COL5A3: variants seen among roughly 807,000 people sequenced by gnomAD.
COL5A3 encodes the protein collagen type V alpha 3 chain.
A neutral mutation model predicts 250.0 loss-of-function variants in COL5A3; 172 were observed. The ratio of observed to expected loss-of-function variants is 0.69; its 90% CI spans 0.61 to 0.78. The LOEUF (loss-of-function observed/expected upper bound fraction) is 0.78, where lower values mean the gene tolerates loss of function less well. COL5A3 is among the 30% of genes least tolerant of loss of function. The pLI is 0.00. For missense variants in COL5A3, 2,340 were observed against 2,334.4 expected (o/e 1.00, Z -0.05); for synonymous variants, 937 against 900.4 (o/e 1.04, Z -0.73).
intron 40 of COL5A3, 66 bp from the exon 41 acceptor site, chr19:9,978,693 G>T (rs374534147): frequency 1.7e-6 from 2 of 1,191,046 alleles, no homozygotes; most frequent in African/African-American, 1.6e-5. Flanking sequence ...GTCTTCCTCT[G>T]TGGGGAGCTC....
chr19:9,980,354 C>A (rs2086990724), intron 35 of COL5A3, among the ~76,000 whole-genome samples: 1 of 152,140 alleles, frequency 6.6e-6, no homozygotes, highest in Non-Finnish European at 1.5e-5. Context: ...ACTTCACAGG[C>A]TGTGCTCCTT....
chr19:9,969,559 G>C lies in COL5A3; in HGVS notation c.4098+16C>G. ...GCTGGATCCACCCTGTCCCACCCCT[G>C]CCCCGCTCCACTCACCACAGGGCCA... On this transcript the variant is annotated intron_variant, in intron 56 of 66. Transcript: ENST00000264828. 3 of 1,609,384 alleles carry C rather than the reference G, an allele frequency of 1.9e-6. No homozygotes were observed. Among genetic ancestry groups the C allele is most frequent in the Non-Finnish European group, 2.5e-6 (3 of 1,177,774 alleles).
chr19:10,008,970 G>A (rs1170703595), intron 1 of COL5A3, among the ~76,000 whole-genome samples: 4 of 152,066 alleles, frequency 2.6e-5, no homozygotes, highest in East Asian at 1.9e-4. Context: ...ACCATTTGGC[G>A]GGTGGCTGAA....
chr19:9,978,500 G>T, intron 41 of COL5A3, 74 bp downstream of exon 41: 1 of 1,007,392 alleles, frequency 9.9e-7, no homozygotes, highest in Non-Finnish European at 1.6e-6. Context: ...GTTTTATCAT[G>T]ACAATGTCAA....
chr19:10,010,438 G>C lies in COL5A3; in HGVS notation c.-53C>G, dbSNP rs2087514082. On this transcript the variant is annotated 5_prime_UTR_variant, in exon 1 of 67. Coordinates refer to ENST00000264828, the MANE Select transcript of COL5A3 (RefSeq NM_015719.4). ...GAACCAGTCGGGGCGGCTGCGGGGC[G>C]CGGCGACTTCTCGGGCTCGGTGCAG... 6 of 1,227,168 alleles carry C rather than the reference G, an allele frequency of 4.9e-6. No homozygotes were observed. Among genetic ancestry groups the C allele is most frequent in the Non-Finnish European group, 6.3e-6 (6 of 945,804 alleles). 76.0% of individuals were successfully genotyped at this position (1,227,168 alleles called of 1,614,324 possible).
Position 10,009,509 on chromosome 19 carries a change from C to A in COL5A3, c.88+789G>T, listed in dbSNP as rs1001301698. ...GGGGTGGGGAGGGGGGGAGCAACTTCCACTCCTGCCCCGCCCTGCGCCCCG... is the reference window on the plus strand; with the variant it reads ...GGGGTGGGGAGGGGGGGAGCAACTTACACTCCTGCCCCGCCCTGCGCCCCG... On this transcript the variant is annotated intron_variant, in intron 1 of 66. Transcript: ENST00000264828. The surrounding 1 kb of genome is among the most constrained non-coding windows in gnomAD (Gnocchi z 4.4). Among the ~76,000 whole-genome samples, 1 of 151,972 alleles carries A rather than the reference C, an allele frequency of 6.6e-6. No homozygotes were observed. The highest frequency in any genetic ancestry group is 2.4e-5 in the African/African-American group (1 of 41,362).
At position 9,988,390 on chromosome 19, in the gene COL5A3, A is replaced by G. The variant is rs1036132799; in HGVS notation, c.2145+734T>C. On this transcript the variant is annotated intron_variant, in intron 27 of 66. Coordinates refer to ENST00000264828, the MANE Select transcript of COL5A3 (RefSeq NM_015719.4). ...GTCTAATGCACACATGTTCAGGTAA[A>G]TTACATCTGTATTTGGCTACAATGT... Among the ~76,000 whole-genome samples the G allele has an allele frequency of 2.0e-5, 3 of 152,300 alleles. No homozygotes were observed. The South Asian group carries it at 6.2e-4, about 32-fold the overall frequency.
chr19:9,992,740 G>A (rs993335441), intron 21 of COL5A3, 87 bp downstream of exon 21: 11 of 1,355,538 alleles, frequency 8.1e-6, no homozygotes, highest in African/African-American at 2.9e-5. Context: ...TCTCGCCACC[G>A]CACTCCAGCC....
At chr19:9,991,477 GGCTGGCTTAGGGAAT>G in intron 24 of COL5A3, 118 bp downstream of exon 24, 1 of 699,500 alleles carries the variant, frequency 1.4e-6, no homozygotes, top group Non-Finnish European at 2.3e-6. Flanking sequence ...TGTATCTCCG[GGCTGGCTTAGGGAAT>G]GTTGCAGTCT....
chr19:9,967,700 C>T, intron 61 of COL5A3: 1 of 556,848 alleles, frequency 1.8e-6, no homozygotes, highest in Non-Finnish European at 3.0e-6. Flanking sequence ...TCTTTCCTAG[C>T]AGTTTGTAAA....
chr19:9,969,390 G>A lies in COL5A3; in HGVS notation c.4111C>T (p.Leu1371Phe). ...GIPGPVGEPG[L>F]LGAPGQMGPP... Reference sequence around the variant, plus strand: ...CCCATCTGTCCAGGGGCTCCCAGGAGGCCTGGTTCACCCTGAGAATGGAAC... The same window carrying A: ...CCCATCTGTCCAGGGGCTCCCAGGAAGCCTGGTTCACCCTGAGAATGGAAC... The change falls in exon 57 of 67, where the codon CTC becomes TTC. Residue 1371 changes from leucine to phenylalanine, a missense_variant. Coordinates refer to ENST00000264828, the MANE Select transcript of COL5A3 (RefSeq NM_015719.4). 1.2e-6 allele frequency: 2 copies of A among 1,607,356 alleles called. No homozygotes were observed. The highest frequency in any genetic ancestry group is 1.7e-6 in the Non-Finnish European group (2 of 1,177,492).
chr19:9,977,336 T>G, intron 43 of COL5A3, 29 bp downstream of exon 43: 1 of 1,612,522 alleles, frequency 6.2e-7, no homozygotes. Context: ...CATCCTCCCC[T>G]GGACCCTTCC....
chr19:9,961,892 T>A (rs2086679336), intron 65 of COL5A3, among the ~76,000 whole-genome samples: 1 of 152,080 alleles, frequency 6.6e-6, no homozygotes, highest in Non-Finnish European at 1.5e-5. Flanking sequence ...TCACAACTAA[T>A]GACTGAGCTT....
intron 45 of COL5A3, 54 bp from the exon 46 acceptor site, chr19:9,974,462 G>T: frequency 7.3e-7 from 1 of 1,363,638 alleles, no homozygotes; most frequent in Non-Finnish European, 1.0e-6. Flanking sequence ...GATTAGGGCA[G>T]AGTGAGGCTC....
chr19:9,975,753 T>G (rs2086909968), intron 45 of COL5A3, among the ~76,000 whole-genome samples: 2 of 144,652 alleles, frequency 1.4e-5, no homozygotes, highest in Admixed American at 6.9e-5. Flanking sequence ...AACACATGGT[T>G]GGGTTGGGAT....
At position 10,005,590 on chromosome 19, in the gene COL5A3, C is replaced by T. The variant is rs200274412; in HGVS notation, c.562G>A (p.Gly188Arg). ...GTCTTTTCCCCAAGGTCCTGGGTCCCCAGCACAGTGAGTCCAGCTATGCTG... is the reference window on the plus strand; with the variant it reads ...GTCTTTTCCCCAAGGTCCTGGGTCCTCAGCACAGTGAGTCCAGCTATGCTG... ...FISIAGLTVL[G>R]TQDLGEKTFE... The change falls in exon 4 of 67, where the codon GGG (glycine) becomes AGG (arginine). Residue 188 changes from glycine to arginine, a missense_variant. Around this residue, in one of 3 missense-constraint regions of COL5A3, gnomAD observed 1,152 missense variants for 1,146.3 expected, o/e 1.00. Transcript: ENST00000264828. 2 of 1,614,216 alleles carry T rather than the reference C, an allele frequency of 1.2e-6. No individual in the cohort carries two copies. Among genetic ancestry groups the T allele is most frequent in the East Asian group, 4.5e-5 (2 of 44,888 alleles).
chr19:9,983,154 C>A (rs113402120), intron 31 of COL5A3, among the ~76,000 whole-genome samples: 1,595 of 152,180 alleles, frequency 0.01, 21 homozygotes, highest in African/African-American at 0.036. Context: ...AGCCACCAAC[C>A]TGGCCCCAAC....
chr19:10,005,959 A>G lies in COL5A3; in HGVS notation c.274T>C (p.Leu92=), dbSNP rs1201628083. 6.2e-7 allele frequency: 1 copy of G among 1,614,004 alleles called. No homozygotes were observed. The highest frequency in any genetic ancestry group is 8.5e-7 in the Non-Finnish European group (1 of 1,179,906). The change falls in exon 3 of 67, where the codon TTG becomes CTG. Residue 92 remains leucine, a synonymous_variant. Transcript: ENST00000264828. ...PEGHFPENFS[L]LITLRGQPAN... is the part of the protein sequence containing the mutation. Reference sequence around the variant, plus strand: ...GGCTGTCCCCGCAAGGTGATCAGCAAGGAGAAGTTCTCAGGAAAGTGGCCT... The same window carrying G: ...GGCTGTCCCCGCAAGGTGATCAGCAGGGAGAAGTTCTCAGGAAAGTGGCCT...
intron 62 of COL5A3, among the ~76,000 whole-genome samples, 175 bp from the exon 63 acceptor site, chr19:9,966,921 A>C (rs2086757250): frequency 6.6e-6 from 1 of 152,152 alleles, no homozygotes; most frequent in African/African-American, 2.4e-5. Context: ...AGGGAGAGAC[A>C]CACAGGAAAG....
Sources: gnomAD v4.1 joint callset for allele counts (sites outside exome capture counted in the v4.1 genomes callset) on GRCh38, gnomAD v4.1.1 for gene constraint, gnomAD v4.1.1 regional missense constraint, Gnocchi (gnomAD v3.1) non-coding constraint, MANE v1.5 for transcripts, NCBI Gene and HGNC (gene_info 2026-07-23, HGNC 2026-07-21) for gene names.